Variants in NEK10 observed in about 807,000 individuals in gnomAD.
NEK10 encodes NIMA related kinase 10.
NEK10 carries 122 observed loss-of-function variants against 159.8 expected under a neutral mutation model. The observed-to-expected ratio is 0.76, with a 90% CI of 0.66 to 0.89. The LOEUF (loss-of-function observed/expected upper bound fraction) is 0.89. Ranked by LOEUF, NEK10 falls within the 40% of genes least tolerant of loss-of-function variation. The pLI is 0.00. For synonymous variants in NEK10, 466 were observed against 457.1 expected (o/e 1.02, Z -0.25); for missense variants, 1,342 against 1,323.1 (o/e 1.01, Z -0.22).
chr3:27,200,668 T>C (rs532093128), intron 25 of NEK10, among the ~76,000 whole-genome samples: 3 of 152,336 alleles, frequency 2.0e-5, no homozygotes, highest in South Asian at 4.1e-4. Context: ...AAAACTCATG[T>C]ATGCACATGT....
At chr3:27,310,417 A>G (rs2044599493) in intron 9 of NEK10, 2 of 152,276 alleles carry the variant, frequency 1.3e-5, no homozygotes, top group African/African-American at 4.8e-5. Flanking sequence ...TCTTGCTCCC[A>G]TATACACTAG....
In NEK10 at chr3:27,131,922, G is replaced by C. The variant is rs377531305; in HGVS notation, c.3039C>G (p.Ser1013Arg). 6.2e-7 allele frequency: 1 copy of C among 1,606,792 alleles called. No individual in the cohort carries two copies. The stretch of plus-strand genomic sequence containing the variant: ...TCAAATTACAAGGGTTACTCTGCTG[G>C]CTGAAGAGGGATTTCTTGAATCTCT... ...VIERFKKSLF[S>R]QQSNPCNLKS... Residue 1013 changes from serine (S) to arginine (R), a missense_variant, in exon 32 of 36, where the codon AGC becomes AGG. Coordinates refer to ENST00000691995, the MANE Select transcript of NEK10 (RefSeq NM_001394966.1).
At chr3:27,238,697 A>T (rs1954219834) in intron 23 of NEK10, among the ~76,000 whole-genome samples, 1 of 151,444 alleles carries the variant, frequency 6.6e-6, no homozygotes, top group African/African-American at 2.4e-5. Flanking sequence ...CAACAAATAC[A>T]TTACTGTATT....
intron 16 of NEK10, among the ~76,000 whole-genome samples, chr3:27,292,667 C>T (rs988703628): frequency 4.0e-5 from 6 of 150,948 alleles, no homozygotes; most frequent in African/African-American, 1.5e-4. Context: ...AAACCCATCT[C>T]TACTGAAAAT....
chr3:27,353,859 G>A (rs979780647), intron 1 of NEK10, among the ~76,000 whole-genome samples: 1 of 152,108 alleles, frequency 6.6e-6, no homozygotes, highest in African/African-American at 2.4e-5. Flanking sequence ...AAACATGTTT[G>A]TGAGGTGTTC....
At chr3:27,244,872 G>C (rs1042961590) in intron 23 of NEK10, among the ~76,000 whole-genome samples, 3 of 151,836 alleles carry the variant, frequency 2.0e-5, no homozygotes, top group Non-Finnish European at 4.4e-5. Context: ...TCAGAGGGTT[G>C]CTCCCAGCTT....
intron 31 of NEK10, among the ~76,000 whole-genome samples, chr3:27,139,764 A>G (rs919157960): frequency 1.3e-5 from 2 of 152,182 alleles, no homozygotes; most frequent in Admixed American, 6.5e-5. Context: ...GGGTGATTTC[A>G]AAGGCTCAGA....
intron 23 of NEK10, among the ~76,000 whole-genome samples, chr3:27,208,126 G>A (rs1348565137): frequency 1.3e-5 from 2 of 152,082 alleles, no homozygotes; most frequent in Admixed American, 1.3e-4. Context: ...TTGGTAAACC[G>A]TTGCCGAGAA....
chr3:27,236,476 G>A (rs192870571), intron 23 of NEK10, among the ~76,000 whole-genome samples: 18 of 152,098 alleles, frequency 1.2e-4, no homozygotes, highest in African/African-American at 2.7e-4. Context: ...TCATATTATC[G>A]GGGGAACCAG....
At chr3:27,192,313 A>T in intron 25 of NEK10, 71 bp from the exon 26 acceptor site, 1 of 1,101,040 alleles carries the variant, frequency 9.1e-7, no homozygotes, top group Non-Finnish European at 1.4e-6. Flanking sequence ...TAAAGGGTCA[A>T]GGTTAAACTC....
chr3:27,283,439 T>C lies in NEK10; in HGVS notation c.2014+1163A>G, dbSNP rs1395956422. 9.2e-5 allele frequency among the ~76,000 whole-genome samples: 14 copies of C among 152,328 alleles called. No homozygotes were observed. The East Asian group carries it at 1.9e-3, about 21-fold the overall frequency. The stretch of plus-strand genomic sequence containing the variant: ...TACAGAATCTTTGTTCAGTAATATA[T>C]ATGTATAGAATTTATACATAAGCCT... On this transcript the variant is annotated intron_variant, in intron 22 of 35. Coordinates refer to ENST00000691995, the MANE Select transcript of NEK10 (RefSeq NM_001394966.1).
intron 3 of NEK10, among the ~76,000 whole-genome samples, chr3:27,351,275 T>C (rs139917367): frequency 1.1e-4 from 17 of 152,260 alleles, no homozygotes; most frequent in African/African-American, 4.1e-4. Flanking sequence ...TGGGAAAGAA[T>C]GGGCACTACA....
At chr3:27,141,358 T>C in intron 31 of NEK10, 124 bp downstream of exon 31, 1 of 626,440 alleles carries the variant, frequency 1.6e-6, no homozygotes. Flanking sequence ...TGTCCCCACA[T>C]GTATGTAGCT....
At chr3:27,304,084 T>C (rs752818640) in intron 12 of NEK10, among the ~76,000 whole-genome samples, 4 of 152,180 alleles carry the variant, frequency 2.6e-5, no homozygotes, top group African/African-American at 4.8e-5. Flanking sequence ...AGAATTTCAA[T>C]TGGGAACAAA....
chr3:27,314,884 C>G (rs549610982), intron 6 of NEK10, among the ~76,000 whole-genome samples: 1 of 152,166 alleles, frequency 6.6e-6, no homozygotes, highest in Non-Finnish European at 1.5e-5. Flanking sequence ...TCAACAAGAT[C>G]TCCAGGTCAT....
intron 23 of NEK10, among the ~76,000 whole-genome samples, chr3:27,250,686 T>G (rs1201278884): frequency 6.6e-6 from 1 of 152,196 alleles, no homozygotes; most frequent in Non-Finnish European, 1.5e-5. Flanking sequence ...TCACCAGATA[T>G]ACTATTCTGG....
chr3:27,236,429 T>C (rs1312713673), intron 23 of NEK10, among the ~76,000 whole-genome samples: 1 of 152,196 alleles, frequency 6.6e-6, no homozygotes, highest in Non-Finnish European at 1.5e-5. Context: ...GAGGCCATTA[T>C]TCTAACTGAA....
At chr3:27,300,965 C>G (rs1037740981) in intron 13 of NEK10, among the ~76,000 whole-genome samples, 1 of 152,138 alleles carries the variant, frequency 6.6e-6, no homozygotes, top group Non-Finnish European at 1.5e-5. Flanking sequence ...CTCCCACTTC[C>G]CCACTCCCTC....
At position 27,192,165 on chromosome 3, in the gene NEK10, T is replaced by A. The variant is rs1229425186; in HGVS notation, c.2369A>T (p.Tyr790Phe). 1 of 1,614,188 alleles carries A rather than the reference T, an allele frequency of 6.2e-7. No homozygotes were observed. Among genetic ancestry groups the A allele is most frequent in the East Asian group, 2.2e-5 (1 of 44,882 alleles). Residue 790 changes from tyrosine to phenylalanine, a missense_variant, in exon 26 of 36, where the codon TAT (tyrosine) becomes TTT (phenylalanine). Coordinates refer to ENST00000691995, the MANE Select transcript of NEK10 (RefSeq NM_001394966.1). ...SSMISDVMMK[Y>F]LDNLSTSQLS... is the part of the protein sequence containing the mutation. ...CTGGGATGTAGATAAGTTGTCTAAATATTTCATCATGACATCTGATATCAT... is the reference window on the plus strand; with the variant it reads ...CTGGGATGTAGATAAGTTGTCTAAAAATTTCATCATGACATCTGATATCAT...
Sources: gnomAD v4.1 joint callset for allele counts (sites outside exome capture counted in the v4.1 genomes callset) on GRCh38, gnomAD v4.1.1 for gene constraint, MANE v1.5 for transcripts, NCBI Gene and HGNC (gene_info 2026-07-23, HGNC 2026-07-21) for gene names.